Variants in TOPAZ1 observed in about 807,000 individuals in gnomAD.
TOPAZ1 encodes the protein testis and ovary specific TOPAZ 1.
In TOPAZ1, 66 loss-of-function variants were observed where a neutral mutation model predicts 172.2. That is an observed-to-expected ratio of 0.38 (90% confidence interval 0.31 to 0.47). The LOEUF is 0.47. TOPAZ1 is among the 20% of genes least tolerant of loss of function. TOPAZ1 has a pLI of 0.99. For synonymous variants in TOPAZ1, 681 were observed against 683.9 expected (o/e 1.00, Z 0.07); for missense variants, 1,822 against 1,972.4 (o/e 0.92, Z 1.44).
chr3:44,254,867 T>G, intron 2 of TOPAZ1, 101 bp from the exon 3 acceptor site: 1 of 797,334 alleles, frequency 1.3e-6, no homozygotes, highest in East Asian at 2.8e-5. Flanking sequence ...CTTGAGCTGA[T>G]GTTCACCAGC....
At chr3:44,326,931 TTAAA>T (rs924009093) in intron 18 of TOPAZ1, among the ~76,000 whole-genome samples, 2 of 152,154 alleles carry the variant, frequency 1.3e-5, no homozygotes, top group African/African-American at 4.8e-5. Context: ...GTAAGAAAAG[TTAAA>T]TAAGAATGCA....
intron 15 of TOPAZ1, among the ~76,000 whole-genome samples, chr3:44,308,781 AT>A (rs1700364672): frequency 6.6e-6 from 1 of 152,180 alleles, no homozygotes; most frequent in Non-Finnish European, 1.5e-5. Context: ...CATAGTATGA[AT>A]TTTTTAATGA....
chr3:44,291,587 C>T (rs6788404), intron 12 of TOPAZ1, among the ~76,000 whole-genome samples: 69,527 of 150,164 alleles, frequency 0.46, 17,256 homozygotes, highest in East Asian at 0.81. Context: ...AGCGAGACTC[C>T]GTCTCAAAAA....
In TOPAZ1 at chr3:44,244,593, C is replaced by G; in HGVS notation, c.2087C>G (p.Ser696Ter). 1 of 1,550,100 alleles carries G rather than the reference C, an allele frequency of 6.5e-7. No individual in the cohort carries two copies. Residue 696 changes from serine to a stop codon, truncating the protein, a stop_gained, in exon 2 of 20, where the codon TCA (serine) becomes TGA (stop). Coordinates refer to ENST00000309765, the MANE Select transcript of TOPAZ1 (RefSeq NM_001145030.2). LOFTEE classifies it high-confidence loss of function. ...AAAATTCCTTTACTTAAGAATAAAT[C>G]AGAAAAAAGAAAAGAAGTAAATGCC... is the stretch of plus-strand genomic sequence containing the variant. ...NFKIPLLKNK[S>*]EKRKEVNAKS...
Position 44,282,012 on chromosome 3 carries a change from G to C in TOPAZ1, c.3417G>C (p.Leu1139=). Residue 1139 remains leucine, a synonymous_variant, in exon 9 of 20, where the codon CTG becomes CTC. Transcript: ENST00000309765. Reference sequence around the variant, plus strand: ...AGAAATATATAAATATCAATGAACTGTGTTTGCTACAGCGTGCAGGTATGA... The same window carrying C: ...AGAAATATATAAATATCAATGAACTCTGTTTGCTACAGCGTGCAGGTATGA... ...VFKKYININE[L]CLLQRAVNIF... The C allele has an allele frequency of 2.6e-6, 4 of 1,547,076 alleles. No individual in the cohort carries two copies. Among genetic ancestry groups the C allele is most frequent in the Non-Finnish European group, 3.5e-6 (4 of 1,144,262 alleles).
At chr3:44,310,355 C>T (rs1009968504) in intron 16 of TOPAZ1, among the ~76,000 whole-genome samples, 1 of 152,062 alleles carries the variant, frequency 6.6e-6, no homozygotes, top group Non-Finnish European at 1.5e-5. Context: ...AAAAATTAGC[C>T]AGGCATGGTG....
intron 18 of TOPAZ1, among the ~76,000 whole-genome samples, chr3:44,327,756 T>A (rs1700617346): frequency 6.6e-6 from 1 of 152,100 alleles, no homozygotes; most frequent in African/African-American, 2.4e-5. Flanking sequence ...TTGTTTTTGT[T>A]TTTGTTGAGA....
At chr3:44,334,402 T>C (rs1279884035), downstream of TOPAZ1, among the ~76,000 whole-genome samples, 1 of 152,158 alleles carries the variant, frequency 6.6e-6, no homozygotes, top group African/African-American at 2.4e-5. Context: ...AGGGGATAAG[T>C]CACATTTTTC....
At position 44,309,889 on chromosome 3, in the gene TOPAZ1, T is replaced by A; in HGVS notation, c.4205T>A (p.Ile1402Lys). The change falls in exon 16 of 20, where the codon ATA becomes AAA. Residue 1402 changes from isoleucine (I) to lysine (K), a missense_variant. Ile to Lys is a moderately radical substitution (Grantham distance 102). Transcript: ENST00000309765. ...KIHFTSLKGL[I>K]GPEKLASRCQ... ...CACTTTACAAGTTTAAAAGGACTTA[T>A]AGGGCCTGAGAAGTTAGCATCAAGA... The A allele has an allele frequency of 6.5e-7, 1 of 1,550,122 alleles. No homozygotes were observed. The highest frequency in any genetic ancestry group is 8.7e-7 in the Non-Finnish European group (1 of 1,145,560).
At chr3:44,294,725 C>T (rs184663028) in intron 12 of TOPAZ1, among the ~76,000 whole-genome samples, 8 of 152,222 alleles carry the variant, frequency 5.3e-5, no homozygotes, top group South Asian at 2.1e-4. Context: ...AGTCTGGTCT[C>T]GAACTCCTGG....
intron 9 of TOPAZ1, among the ~76,000 whole-genome samples, chr3:44,284,186 C>A (rs1445800995): frequency 6.6e-6 from 1 of 152,296 alleles, no homozygotes; most frequent in Non-Finnish European, 1.5e-5. Context: ...TAAGTACATT[C>A]AATGTTGTGT....
At chr3:44,277,674 G>A (rs1321794372) in intron 8 of TOPAZ1, among the ~76,000 whole-genome samples, 5 of 152,202 alleles carry the variant, frequency 3.3e-5, no homozygotes, top group Non-Finnish European at 5.9e-5. Flanking sequence ...TAAAGGTGGG[G>A]CCTGGTGGAA....
chr3:44,323,361 A>AAT (rs959978436), intron 18 of TOPAZ1, 66 bp downstream of exon 18: 3 of 975,668 alleles, frequency 3.1e-6, no homozygotes, highest in Non-Finnish European at 4.4e-6. Context: ...CAGAATTTAT[A>AAT]ATATATAAGA....
At chr3:44,307,617 A>C (rs1411874538) in intron 15 of TOPAZ1, among the ~76,000 whole-genome samples, 1 of 152,128 alleles carries the variant, frequency 6.6e-6, no homozygotes, top group Non-Finnish European at 1.5e-5. Flanking sequence ...TAGAGTAGAG[A>C]GTGTGGTCAC....
chr3:44,265,483 G>C (rs1699820257), intron 5 of TOPAZ1, among the ~76,000 whole-genome samples: 1 of 152,196 alleles, frequency 6.6e-6, no homozygotes, highest in African/African-American at 2.4e-5. Context: ...TTGAACCCAG[G>C]AGGGGGAGGT....
In TOPAZ1 at chr3:44,270,829, TTAAAG is replaced by T. The variant is rs144138313; in HGVS notation, c.3372+22_3372+26del. On this transcript the variant is annotated intron_variant, in intron 8 of 19. Transcript: ENST00000309765. ...TGAAAAGGTAAAACATATAAAGTCT[TTAAAG>T]TAGAGATTGTTTTAATAACTATCTC... 1.5e-3 allele frequency: 2,232 copies of T among 1,532,234 alleles called. 29 individuals carry two copies. The African/African-American group carries it at 0.028, about 19-fold the overall frequency. 94.9% of individuals were successfully genotyped at this position (1,532,234 alleles called of 1,614,324 possible). A position where few individuals can be genotyped will look rare whatever the true frequency, so the allele number is the denominator to read the frequency against.
At chr3:44,275,651 G>A (rs1699945226) in intron 8 of TOPAZ1, among the ~76,000 whole-genome samples, 1 of 151,926 alleles carries the variant, frequency 6.6e-6, no homozygotes, top group South Asian at 2.1e-4. Flanking sequence ...AATAGTGCTG[G>A]AATAAACATG....
chr3:44,248,031 G>T (rs538028109), intron 2 of TOPAZ1, among the ~76,000 whole-genome samples: 1 of 152,320 alleles, frequency 6.6e-6, no homozygotes, highest in Admixed American at 6.5e-5. Context: ...CGATTACTGT[G>T]TTCCCTAAAA....
chr3:44,244,862 G>A lies in TOPAZ1; in HGVS notation c.2356G>A (p.Val786Ile), dbSNP rs1190329705. The A allele has an allele frequency of 1.5e-5, 24 of 1,551,512 alleles. No homozygotes were observed. Among genetic ancestry groups the A allele is most frequent in the Non-Finnish European group, 2.0e-5 (23 of 1,146,996 alleles). Reference sequence around the variant, plus strand: ...TAACAATAGCAAACCATCTAATCACGTCTCTGAACCAGGCAATATTGTTTC... The same window carrying A: ...TAACAATAGCAAACCATCTAATCACATCTCTGAACCAGGCAATATTGTTTC... ...QGNNSKPSNH[V>I]SEPGNIVSNK... The change falls in exon 2 of 20, where the codon GTC becomes ATC. Residue 786 changes from valine to isoleucine, a missense_variant. By Grantham distance (29) the Val-to-Ile change is conservative. Transcript: ENST00000309765.
Sources: allele counts gnomAD v4.1 joint callset (sites outside exome capture counted in the v4.1 genomes callset), GRCh38; gene constraint gnomAD v4.1.1; transcripts MANE v1.5; gene names NCBI Gene and HGNC (gene_info 2026-07-23, HGNC 2026-07-21).